The following MAGI1 variants were observed in gnomAD, a reference collection of about 807,000 sequenced individuals.
The protein encoded by MAGI1 is membrane associated guanylate kinase, WW and PDZ domain containing 1, also known as membrane-associated guanylate kinase, WW and PDZ domain-containing protein 1.
A neutral mutation model predicts 139.9 loss-of-function variants in MAGI1; 58 were observed. That is an observed-to-expected ratio of 0.41 (90% CI 0.34 to 0.52). The LOEUF (loss-of-function observed/expected upper bound fraction) is 0.52, where lower values mean the gene tolerates loss of function less well. MAGI1 is among the 20% of genes least tolerant of loss of function. MAGI1 has a pLI of 0.12. For synonymous variants in MAGI1, 812 were observed against 737.9 expected (o/e 1.10, Z -1.63); for missense variants, 1,874 against 1,901.6 (o/e 0.99, Z 0.27).
intron 2 of MAGI1, among the ~76,000 whole-genome samples, chr3:65,506,488 T>G (rs2077293415): frequency 6.6e-6 from 1 of 152,180 alleles, no homozygotes; most frequent in African/African-American, 2.4e-5. Flanking sequence ...AGGGGTATAT[T>G]TTTCCAACCT....
At chr3:65,724,075 T>C (rs1004044950) in intron 1 of MAGI1, among the ~76,000 whole-genome samples, 5 of 152,244 alleles carry the variant, frequency 3.3e-5, no homozygotes, top group African/African-American at 1.2e-4. Flanking sequence ...CAGACAGGTT[T>C]AATTAGCCCA....
intron 1 of MAGI1, among the ~76,000 whole-genome samples, chr3:66,033,871 T>C (rs1448772047): frequency 6.6e-6 from 1 of 152,178 alleles, no homozygotes; most frequent in Non-Finnish European, 1.5e-5. Context: ...TTTTAAACCT[T>C]TGGAGTCTGG....
At chr3:65,883,789 G>T (rs1299919832) in intron 1 of MAGI1, among the ~76,000 whole-genome samples, 1 of 152,196 alleles carries the variant, frequency 6.6e-6, no homozygotes, top group Non-Finnish European at 1.5e-5. Flanking sequence ...GGCTGCAGCA[G>T]TAACAACTGT....
intron 1 of MAGI1, among the ~76,000 whole-genome samples, chr3:65,709,702 T>C (rs1424754265): frequency 6.6e-6 from 1 of 152,224 alleles, no homozygotes; most frequent in African/African-American, 2.4e-5. Flanking sequence ...ACACCCAATT[T>C]TGCCACCTTC....
chr3:65,742,825 A>G (rs2035388899), intron 1 of MAGI1, among the ~76,000 whole-genome samples: 1 of 152,210 alleles, frequency 6.6e-6, no homozygotes, highest in African/African-American at 2.4e-5. Context: ...CATACAGTCA[A>G]TCAGAATGTA....
intron 1 of MAGI1, among the ~76,000 whole-genome samples, chr3:65,811,362 G>T (rs1007961506): frequency 3.3e-4 from 50 of 152,286 alleles, no homozygotes; most frequent in African/African-American, 1.1e-3. Flanking sequence ...TATTCCATTA[G>T]ACATTTTTAG....
At chr3:66,001,457 AG>A (rs2066734080) in intron 1 of MAGI1, among the ~76,000 whole-genome samples, 1 of 152,226 alleles carries the variant, frequency 6.6e-6, no homozygotes, top group Non-Finnish European at 1.5e-5. Context: ...CATGCTAGAA[AG>A]AAAAGAGTAT....
At chr3:65,669,714 C>A (rs542015647) in intron 1 of MAGI1, among the ~76,000 whole-genome samples, 18 of 152,162 alleles carry the variant, frequency 1.2e-4, no homozygotes, top group Non-Finnish European at 2.5e-4. Context: ...TTTAAAATTG[C>A]AGTTGAAAGC....
chr3:65,660,596 T>A (rs1576632958), intron 1 of MAGI1, among the ~76,000 whole-genome samples: 1 of 152,222 alleles, frequency 6.6e-6, no homozygotes, highest in East Asian at 1.9e-4. Flanking sequence ...CTGGAAAAGT[T>A]TCCAGATCTC....
chr3:65,690,072 T>A (rs867991956), intron 1 of MAGI1, among the ~76,000 whole-genome samples: 1 of 152,012 alleles, frequency 6.6e-6, no homozygotes, highest in African/African-American at 2.4e-5. Context: ...ACCACAGCAA[T>A]AGGAGTGGCT....
At chr3:65,400,871 T>A (rs1399400951) in intron 13 of MAGI1, among the ~76,000 whole-genome samples, 3 of 148,732 alleles carry the variant, frequency 2.0e-5, no homozygotes, top group Non-Finnish European at 3.0e-5. Context: ...AATGTCCTAT[T>A]CTCAGTGCTG....
intron 1 of MAGI1, among the ~76,000 whole-genome samples, chr3:65,666,655 A>G (rs775897219): frequency 1.6e-4 from 24 of 152,350 alleles, no homozygotes; most frequent in South Asian, 8.3e-4. Context: ...TTACAAACCT[A>G]TAAGTTCCAG....
At chr3:65,828,293 A>G (rs2042338500) in intron 1 of MAGI1, among the ~76,000 whole-genome samples, 1 of 152,214 alleles carries the variant, frequency 6.6e-6, no homozygotes, top group Admixed American at 6.5e-5. Context: ...AAGCACCAAC[A>G]TCACAGGCTA....
intron 13 of MAGI1, among the ~76,000 whole-genome samples, chr3:65,393,434 A>G (rs1944098002): frequency 1.3e-5 from 2 of 152,000 alleles, no homozygotes; most frequent in Non-Finnish European, 2.9e-5. Flanking sequence ...TTTTACTTTT[A>G]TGGTGCATAG....
intron 1 of MAGI1, among the ~76,000 whole-genome samples, chr3:65,691,068 C>T (rs534147895): frequency 3.0e-4 from 45 of 151,860 alleles, no homozygotes; most frequent in African/African-American, 1.0e-3. Flanking sequence ...TTTGGGAGGC[C>T]GGGGCAGGCG....
At chr3:65,976,513 C>T (rs2065273611) in intron 1 of MAGI1, among the ~76,000 whole-genome samples, 1 of 152,090 alleles carries the variant, frequency 6.6e-6, no homozygotes, top group Non-Finnish European at 1.5e-5. Context: ...CTCCTGTAAT[C>T]CCAGCTACTC....
At chr3:65,970,522 TAA>T (rs10576566) in intron 1 of MAGI1, among the ~76,000 whole-genome samples, 2,321 of 141,344 alleles carry the variant, frequency 0.016, 54 homozygotes, top group African/African-American at 0.055. Flanking sequence ...ACAATTTTGT[TAA>T]AAAAAAAAAA....
intron 2 of MAGI1, among the ~76,000 whole-genome samples, chr3:65,606,407 C>T (rs771834618): frequency 6.6e-6 from 1 of 152,210 alleles, no homozygotes; most frequent in Non-Finnish European, 1.5e-5. Flanking sequence ...GTGGCACAAT[C>T]TTGGCTCACT....
At chr3:65,814,559 A>C (rs994392049) in intron 1 of MAGI1, among the ~76,000 whole-genome samples, 1 of 152,130 alleles carries the variant, frequency 6.6e-6, no homozygotes, top group African/African-American at 2.4e-5. Context: ...GAACTACATA[A>C]TTTGGATTTT....
Sources: gnomAD v4.1 joint callset for allele counts (sites outside exome capture counted in the v4.1 genomes callset) on GRCh38, gnomAD v4.1.1 for gene constraint, MANE v1.5 for transcripts, NCBI Gene and HGNC (gene_info 2026-07-23, HGNC 2026-07-21) for gene names.